Variants in EPS8 observed in about 807,000 individuals in gnomAD.
EPS8 encodes the protein epidermal growth factor receptor kinase substrate 8.
In EPS8, 42 loss-of-function variants were observed where a neutral mutation model predicts 103.8. The ratio of observed to expected loss-of-function variants is 0.40; its 90% CI spans 0.32 to 0.52. The LOEUF is 0.52. EPS8 is among the 20% of genes least tolerant of loss of function. The probability of loss-of-function intolerance (pLI) is 0.40; values close to 1 mark genes in which losing one functional copy is unlikely to be tolerated. For missense variants in EPS8, 969 were observed against 1,005.1 expected (o/e 0.96, Z 0.49); for synonymous variants, 344 against 344.6 (o/e 1.00, Z 0.02).
At chr12:15,670,743 T>C in intron 4 of EPS8, 113 bp downstream of exon 4, 1 of 674,390 alleles carries the variant, frequency 1.5e-6, no homozygotes, top group South Asian at 2.4e-5. Context: ...AAAAGGTCAA[T>C]GCAACTTAAA....
intron 20 of EPS8, 93 bp downstream of exon 20, chr12:15,623,065 T>A: frequency 7.9e-7 from 1 of 1,259,886 alleles, no homozygotes; most frequent in Non-Finnish European, 1.1e-6. Context: ...TCAGCTCTGT[T>A]AAGAAAGGGA....
rs1947210575 is a variant in EPS8 at position 15,776,791 on chromosome 12, A to C, written c.-22+12370T>G. Reference sequence around the variant, plus strand: ...AGCGTTTCCCCTTTTGCTACCGCCAAACTATTTTTATATCAGATTCTACCA... The same window carrying C: ...AGCGTTTCCCCTTTTGCTACCGCCACACTATTTTTATATCAGATTCTACCA... On this transcript the variant is annotated intron_variant, in intron 1 of 20. Coordinates refer to ENST00000281172, the MANE Select transcript of EPS8 (RefSeq NM_004447.6). The surrounding 1 kb of genome is among the most constrained non-coding windows in gnomAD (Gnocchi z 4.2). Among the ~76,000 whole-genome samples the C allele has an allele frequency of 6.6e-6, 1 of 152,178 alleles. No individual in the cohort carries two copies. Among genetic ancestry groups the C allele is most frequent in the Admixed American group, 6.5e-5 (1 of 15,268 alleles).
intron 17 of EPS8, among the ~76,000 whole-genome samples, chr12:15,638,093 G>A (rs985608979): frequency 3.9e-5 from 6 of 151,930 alleles, no homozygotes; most frequent in African/African-American, 1.5e-4. Flanking sequence ...TAAGTTGCAG[G>A]ATTCTTCCTT....
Position 15,664,562 on chromosome 12 carries a change from A to T in EPS8, c.736+1194T>A, listed in dbSNP as rs1408678814. Among the ~76,000 whole-genome samples the T allele has an allele frequency of 2.6e-5, 4 of 152,344 alleles. No homozygotes were observed. In the East Asian group the frequency reaches 5.8e-4, roughly 22 times the overall value. On this transcript the variant is annotated intron_variant, in intron 8 of 20. Transcript: ENST00000281172. ...AGAGATGAGACCGAAGTACAGAGAG[A>T]TAACTTCCCAAGACCACACAGGTAG...
intron 9 of EPS8, 130 bp downstream of exon 9, chr12:15,661,896 G>A: frequency 1.4e-6 from 1 of 693,864 alleles, no homozygotes; most frequent in South Asian, 2.1e-5. Context: ...AAAGGGCATA[G>A]CCATCACAGG....
At chr12:15,719,627 G>C (rs1946572892) in intron 1 of EPS8, among the ~76,000 whole-genome samples, 1 of 152,176 alleles carries the variant, frequency 6.6e-6, no homozygotes, top group African/African-American at 2.4e-5. Context: ...TAATTTCTTT[G>C]AATATCATTG....
In EPS8 at chr12:15,731,257, G is replaced by A. The variant is rs1946712775; in HGVS notation, c.-21-48285C>T. On this transcript the variant is annotated intron_variant, in intron 1 of 20. Transcript: ENST00000281172. The surrounding 1 kb of genome is among the most constrained non-coding windows in gnomAD (Gnocchi z 5.1). ...TCAAAGTATTTTGAAGACAAATTCA[G>A]AATATAAAACTTTAATAAGCCTTCC... Among the ~76,000 whole-genome samples the A allele has an allele frequency of 6.6e-6, 1 of 151,544 alleles. No homozygotes were observed. Among genetic ancestry groups the A allele is most frequent in the Non-Finnish European group, 1.5e-5 (1 of 67,888 alleles).
chr12:15,655,761 G>A (rs1364496694), intron 12 of EPS8, among the ~76,000 whole-genome samples: 1 of 152,204 alleles, frequency 6.6e-6, no homozygotes, highest in East Asian at 1.9e-4. Context: ...TCAAGAACGT[G>A]CGCAGGCACA....
Position 15,704,783 on chromosome 12 carries a change from C to T in EPS8, c.-21-21811G>A, listed in dbSNP as rs925087980. ...AGAAATCTGAGGAACAAATGAACTA[C>T]TGAATGTCTGTGAGCCTATCAGGTA... is the stretch of plus-strand genomic sequence containing the variant. On this transcript the variant is annotated intron_variant, in intron 1 of 20. Coordinates refer to ENST00000281172, the MANE Select transcript of EPS8 (RefSeq NM_004447.6). The surrounding 1 kb of genome is among the most constrained non-coding windows in gnomAD (Gnocchi z 4.6). Among the ~76,000 whole-genome samples the T allele has an allele frequency of 1.3e-5, 2 of 152,170 alleles. No individual in the cohort carries two copies. The highest frequency in any genetic ancestry group is 2.4e-5 in the African/African-American group (1 of 41,436).
chr12:15,719,818 C>A (rs1273838383), intron 1 of EPS8, among the ~76,000 whole-genome samples: 4 of 152,152 alleles, frequency 2.6e-5, no homozygotes, highest in Non-Finnish European at 4.4e-5. Flanking sequence ...TAGTTTAAGA[C>A]CTCTTAATTG....
intron 1 of EPS8, among the ~76,000 whole-genome samples, chr12:15,783,524 G>C (rs1947280699): frequency 6.6e-6 from 1 of 152,088 alleles, no homozygotes; most frequent in African/African-American, 2.4e-5. Context: ...AGACCACATA[G>C]TTAAGTCTCA....
At position 15,787,815 on chromosome 12, in the gene EPS8, G is replaced by T. The variant is rs144163306; in HGVS notation, c.-22+1346C>A. The T allele has an allele frequency of 2.0e-5, 3 of 152,092 alleles. No homozygotes were observed. The highest frequency in any genetic ancestry group is 1.9e-4 in the East Asian group (1 of 5,194). 9.4% of individuals were successfully genotyped at this position (152,092 alleles called of 1,614,324 possible). A position where few individuals can be genotyped will look rare whatever the true frequency, so the allele number is the denominator to read the frequency against. On this transcript the variant is annotated intron_variant, in intron 1 of 20. Transcript: ENST00000281172. This position sits in a 1 kb window ranked among gnomAD's most constrained non-coding sequence, Gnocchi z 4.9. ...TCTATACTGTTTTAACTGTCAAATT[G>T]TAAGTAAAAGTGTGAATTCGTGACC...
At chr12:15,746,567 T>TTTTA (rs1168596656) in intron 1 of EPS8, among the ~76,000 whole-genome samples, 1 of 152,168 alleles carries the variant, frequency 6.6e-6, no homozygotes, top group Non-Finnish European at 1.5e-5. Flanking sequence ...AAAGCACTGC[T>TTTTA]TTTATTTTGC....
intron 6 of EPS8, among the ~76,000 whole-genome samples, chr12:15,668,683 A>C (rs1317223087): frequency 6.6e-6 from 1 of 152,232 alleles, no homozygotes; most frequent in Non-Finnish European, 1.5e-5. Context: ...TCACATAATT[A>C]AATGGTGAAC....
intron 1 of EPS8, among the ~76,000 whole-genome samples, chr12:15,756,885 T>C (rs1336864792): frequency 6.6e-6 from 1 of 152,208 alleles, no homozygotes; most frequent in Non-Finnish European, 1.5e-5. Flanking sequence ...TTCTGTGTGA[T>C]AAGAAAATAA....
chr12:15,787,736 A>G lies in EPS8; in HGVS notation c.-22+1425T>C, dbSNP rs1053284263. Among the ~76,000 whole-genome samples the G allele has an allele frequency of 1.3e-5, 2 of 152,160 alleles. No homozygotes were observed. The highest frequency in any genetic ancestry group is 1.3e-4 in the Admixed American group (2 of 15,274). On this transcript the variant is annotated intron_variant, in intron 1 of 20. Transcript: ENST00000281172. The surrounding 1 kb of genome is among the most constrained non-coding windows in gnomAD (Gnocchi z 4.9). ...CTGTGTATTCTGCAATAAAGGCATT[A>G]TATTATCACTATTGCATTTGTGATA...
chr12:15,663,936 A>AT (rs1478081573), intron 8 of EPS8, among the ~76,000 whole-genome samples: 15,897 of 35,182 alleles, frequency 0.45, 2,314 homozygotes, highest in East Asian at 0.53. Context: ...AAAAAAAAAA[A>AT]AAAAAAAAAA....
intron 1 of EPS8, among the ~76,000 whole-genome samples, chr12:15,711,676 T>A (rs1339665717): frequency 6.6e-6 from 1 of 152,228 alleles, no homozygotes; most frequent in Non-Finnish European, 1.5e-5. Context: ...GCCATAAACA[T>A]CTTGAGGAAC....
chr12:15,703,744 A>C (rs1022240620), intron 1 of EPS8, among the ~76,000 whole-genome samples: 2 of 150,678 alleles, frequency 1.3e-5, no homozygotes, highest in Non-Finnish European at 2.9e-5. Context: ...TCAGAGAACG[A>C]AGTTGACACT....
Sources: gnomAD v4.1 joint callset for allele counts (sites outside exome capture counted in the v4.1 genomes callset) on GRCh38, gnomAD v4.1.1 for gene constraint, Gnocchi (gnomAD v3.1) non-coding constraint, MANE v1.5 for transcripts, NCBI Gene and HGNC (gene_info 2026-07-23, HGNC 2026-07-21) for gene names.